PPP2R1A: variants seen among roughly 807,000 people sequenced by gnomAD.
PPP2R1A encodes the protein protein phosphatase 2 scaffold subunit Aalpha.
In PPP2R1A, 15 loss-of-function variants were observed where a neutral mutation model predicts 67.1. That is an observed-to-expected ratio of 0.22 (90% CI 0.15 to 0.34). The LOEUF is 0.34. PPP2R1A is among the 10% of genes least tolerant of loss of function. The pLI is 1.00. For synonymous variants in PPP2R1A, 337 were observed against 325.0 expected (o/e 1.04, Z -0.40); for missense variants, 369 against 775.0 (o/e 0.48, Z 6.22).
chr19:52,214,189 A>G (rs1167284547), intron 6 of PPP2R1A, among the ~76,000 whole-genome samples: 3 of 152,098 alleles, frequency 2.0e-5, no homozygotes, highest in East Asian at 1.9e-4. Flanking sequence ...AGCAAGTGCA[A>G]GCAGGAACAT....
chr19:52,207,813 T>TA (rs2089619891), intron 3 of PPP2R1A, among the ~76,000 whole-genome samples: 1 of 152,116 alleles, frequency 6.6e-6, no homozygotes, highest in Non-Finnish European at 1.5e-5. Context: ...CCCTAATTCT[T>TA]AGCCACTCCT....
intron 11 of PPP2R1A, 91 bp downstream of exon 11, chr19:52,220,340 C>A: frequency 7.3e-7 from 1 of 1,361,854 alleles, no homozygotes; most frequent in Non-Finnish European, 1.0e-6. Flanking sequence ...GTGGAGGAGG[C>A]TAGAGTCACT....
At chr19:52,222,289 C>G (rs1978986406) in intron 13 of PPP2R1A, 48 bp downstream of exon 13, 20 of 1,582,696 alleles carry the variant, frequency 1.3e-5, no homozygotes, top group Non-Finnish European at 1.7e-5. Flanking sequence ...TTCTTGTGGG[C>G]ACCTTAATCT....
Position 52,211,576 on chromosome 19 carries a change from T to C in PPP2R1A, c.503+84T>C. On this transcript the variant is annotated intron_variant, in intron 4 of 14. Coordinates refer to ENST00000322088, the MANE Select transcript of PPP2R1A (RefSeq NM_014225.6). This position sits in a 1 kb window ranked among gnomAD's most constrained non-coding sequence, Gnocchi z 5.3. The stretch of plus-strand genomic sequence containing the variant: ...AGCCTCAGACTCCTTTTGGTCTAGC[T>C]GGGGCCCAAATGCCCCTGAACTCTC... The C allele has an allele frequency of 7.0e-7, 1 of 1,419,910 alleles. No homozygotes were observed. Among genetic ancestry groups the C allele is most frequent in the Non-Finnish European group, 9.5e-7 (1 of 1,050,606 alleles). The allele number at this position is 1,419,910 out of a possible 1,614,324, so 88.0% of individuals were successfully genotyped here. A position where few individuals can be genotyped will look rare whatever the true frequency, so the allele number is the denominator to read the frequency against.
At chr19:52,215,723 G>A (rs1978525367) in intron 6 of PPP2R1A, 56 bp from the exon 7 acceptor site, 3 of 1,486,986 alleles carry the variant, frequency 2.0e-6, no homozygotes. Flanking sequence ...GGCTTCCTTA[G>A]CCCAGAGTAA....
rs1978831505 is a variant in PPP2R1A, at chr19:52,220,182, C to A, written c.1303-7C>A. On this transcript the variant is annotated splice_polypyrimidine_tract_variant and splice_region_variant and intron_variant, in intron 10 of 14. Coordinates refer to ENST00000322088, the MANE Select transcript of PPP2R1A (RefSeq NM_014225.6). ...GCTTACCTTGGAACCCTTGGTTTCT[C>A]CTGTAGGGAGTGGAGTTCTTTGATG... 1 of 1,613,836 alleles carries A rather than the reference C, an allele frequency of 6.2e-7. No individual in the cohort carries two copies. The highest frequency in any genetic ancestry group is 1.3e-5 in the African/African-American group (1 of 75,016).
At chr19:52,220,527 A>T (rs773177878) in intron 11 of PPP2R1A, among the ~76,000 whole-genome samples, 21 of 152,154 alleles carry the variant, frequency 1.4e-4, no homozygotes, top group Admixed American at 3.3e-4. Context: ...GGGCTGTCAG[A>T]TCTAAAACAA....
At position 52,226,307 on chromosome 19, in the gene PPP2R1A, T is replaced by C. The variant is rs1220835031; in HGVS notation, c.*326T>C. On this transcript the variant is annotated 3_prime_UTR_variant, in exon 15 of 15. Coordinates refer to ENST00000322088, the MANE Select transcript of PPP2R1A (RefSeq NM_014225.6). ...TGGGAACCCCTCCCCCATTTACTTC[T>C]CCACCTCCCGTCCTCCCCATCATTG... 9.3e-6 allele frequency: 4 copies of C among 432,082 alleles called. No homozygotes were observed. The highest frequency in any genetic ancestry group is 8.2e-6 in the Non-Finnish European group (2 of 242,896). 26.8% of individuals were successfully genotyped at this position (432,082 alleles called of 1,614,324 possible). A position where few individuals can be genotyped will look rare whatever the true frequency, so the allele number is the denominator to read the frequency against.
Position 52,225,759 on chromosome 19 carries a change from C to A in PPP2R1A, c.1704C>A (p.Thr568=), listed in dbSNP as rs764920637. 4 of 1,614,180 alleles carry A rather than the reference C, an allele frequency of 2.5e-6. No homozygotes were observed. The highest frequency in any genetic ancestry group is 2.2e-5 in the East Asian group (1 of 44,870). ...SEVKPILEKL[T]QDQDVDVKYF... ...TCAAGCCCATCCTAGAGAAGCTGAC[C>A]CAGGACCAGGATGTGGACGTCAAAT... Residue 568 remains threonine (T), a synonymous_variant, in exon 14 of 15, where the codon ACC becomes ACA. Transcript: ENST00000322088.
intron 13 of PPP2R1A, 90 bp from the exon 14 acceptor site, chr19:52,225,627 A>G: frequency 1.7e-6 from 2 of 1,180,700 alleles, no homozygotes; most frequent in Non-Finnish European, 2.5e-6. Flanking sequence ...GTGTCTGTGT[A>G]CACTCTCTTG....
Position 52,226,181 on chromosome 19 carries a change from C to T in PPP2R1A, c.*200C>T, listed in dbSNP as rs910219963. 2 of 797,382 alleles carry T rather than the reference C, an allele frequency of 2.5e-6. No individual in the cohort carries two copies. Among genetic ancestry groups the T allele is most frequent in the Admixed American group, 5.3e-5 (2 of 37,388 alleles). 49.4% of individuals were successfully genotyped at this position (797,382 alleles called of 1,614,324 possible). On this transcript the variant is annotated 3_prime_UTR_variant, in exon 15 of 15. Coordinates refer to ENST00000322088, the MANE Select transcript of PPP2R1A (RefSeq NM_014225.6). ...TCCACCTCCCAACGGGCTAGGGGAG[C>T]ACGGGGTTGGACAGGACAGTGACCT...
intron 1 of PPP2R1A, among the ~76,000 whole-genome samples, chr19:52,197,790 T>C (rs941312286): frequency 4.6e-5 from 7 of 152,236 alleles, no homozygotes; most frequent in African/African-American, 1.7e-4. Flanking sequence ...GTAAGCTGTA[T>C]GCAGTTAAGC....
intron 6 of PPP2R1A, among the ~76,000 whole-genome samples, chr19:52,215,104 G>A (rs1326479890): frequency 2.0e-5 from 3 of 152,162 alleles, no homozygotes; most frequent in East Asian, 1.9e-4. Flanking sequence ...CACCCAGGCT[G>A]GAGTGCAGTG....
rs370579695 is a variant in PPP2R1A at position 52,221,180 on chromosome 19, G to A, written c.1518+47G>A. The A allele has an allele frequency of 1.1e-4, 176 of 1,610,122 alleles. 2 individuals are homozygous for A. Among genetic ancestry groups the A allele is most frequent in the East Asian group, 8.7e-4 (39 of 44,850 alleles). On this transcript the variant is annotated intron_variant, in intron 12 of 14. Transcript: ENST00000322088. ...TGGCCCATCCCTAGGGAACTGGAGC[G>A]CGTGGGAGAGGAGGGATGCTAGAGG...
chr19:52,206,131 G>T, intron 3 of PPP2R1A, 68 bp downstream of exon 3: 1 of 1,419,732 alleles, frequency 7.0e-7, no homozygotes, highest in African/African-American at 1.4e-5. Flanking sequence ...CCGGCCTAGG[G>T]CAGGGAGGGG....
Position 52,211,924 on chromosome 19 carries a change from G to A in PPP2R1A, c.503+432G>A, listed in dbSNP as rs111378416. Among the ~76,000 whole-genome samples, 1,024 of 152,278 alleles carry A rather than the reference G, an allele frequency of 6.7e-3. 13 individuals are homozygous for A. Among genetic ancestry groups the A allele is most frequent in the African/African-American group, 0.023 (973 of 41,554 alleles). ...TCGTCTACTTTGCAAACGATTGACC[G>A]TCAAGCCCGGGTTTGAGCCTGACTC... On this transcript the variant is annotated intron_variant, in intron 4 of 14. Transcript: ENST00000322088. The surrounding 1 kb of genome is among the most constrained non-coding windows in gnomAD (Gnocchi z 5.3).
At position 52,226,963 on chromosome 19, in the gene PPP2R1A, G is replaced by A. The variant is rs535994345; in HGVS notation, c.*982G>A. On this transcript the variant is annotated 3_prime_UTR_variant, in exon 15 of 15. Coordinates refer to ENST00000322088, the MANE Select transcript of PPP2R1A (RefSeq NM_014225.6). ...TCCTGTGTTCTTGAAGAAGACTTGG[G>A]CTTGGACCCTGTCCCCAGGAGGTCT... The A allele has an allele frequency of 6.6e-6, 1 of 152,116 alleles. No individual in the cohort carries two copies. Among genetic ancestry groups the A allele is most frequent in the Non-Finnish European group, 1.5e-5 (1 of 68,028 alleles). The allele number at this position is 152,116 out of a possible 1,614,324, so 9.4% of individuals were successfully genotyped here.
At chr19:52,210,673 T>C (rs980536557) in intron 3 of PPP2R1A, among the ~76,000 whole-genome samples, 1 of 152,020 alleles carries the variant, frequency 6.6e-6, no homozygotes, top group African/African-American at 2.4e-5. Context: ...TTTGTATTTT[T>C]AGTAGAAACG....
chr19:52,227,037 A>C lies in PPP2R1A; in HGVS notation c.*1056A>C, dbSNP rs1979308038. On this transcript the variant is annotated 3_prime_UTR_variant, in exon 15 of 15. Coordinates refer to ENST00000322088, the MANE Select transcript of PPP2R1A (RefSeq NM_014225.6). The stretch of plus-strand genomic sequence containing the variant: ...GGAGAGAACTGTGGCAAGATAGATC[A>C]GTTATCTCGGTATCTATTCTCCCCT... The C allele has an allele frequency of 6.6e-6, 1 of 152,128 alleles. No homozygotes were observed. The highest frequency in any genetic ancestry group is 1.5e-5 in the Non-Finnish European group (1 of 68,020). The allele number at this position is 152,128 out of a possible 1,614,324, so 9.4% of individuals were successfully genotyped here.
Sources: allele counts gnomAD v4.1 joint callset (sites outside exome capture counted in the v4.1 genomes callset), GRCh38; gene constraint gnomAD v4.1.1; non-coding constraint Gnocchi (gnomAD v3.1); transcripts MANE v1.5; gene names NCBI Gene and HGNC (gene_info 2026-07-23, HGNC 2026-07-21).